The following EXOC2 variants were observed in gnomAD, a reference collection of about 807,000 sequenced individuals.
EXOC2 encodes exocyst complex component 2.
A neutral mutation model predicts 131.8 loss-of-function variants in EXOC2; 70 were observed. The ratio of observed to expected loss-of-function variants is 0.53; its 90% CI spans 0.44 to 0.65. The LOEUF (loss-of-function observed/expected upper bound fraction) is 0.65. EXOC2 is among the 30% of genes least tolerant of loss of function. The probability of loss-of-function intolerance (pLI) is 0.00; values close to 1 mark genes in which losing one functional copy is unlikely to be tolerated. For synonymous variants in EXOC2, 411 were observed against 398.4 expected, an observed-to-expected ratio of 1.03 and a Z score of -0.38; for missense variants, 923 against 1,108.6, an observed-to-expected ratio of 0.83 and a Z score of 2.38.
intron 12 of EXOC2, among the ~76,000 whole-genome samples, chr6:575,706 CACAA>C (rs1191345218): frequency 6.6e-6 from 1 of 152,212 alleles, no homozygotes; most frequent in African/African-American, 2.4e-5. Context: ...TTTATAGCAA[CACAA>C]ACAGACTAAC....
intron 10 of EXOC2, among the ~76,000 whole-genome samples, chr6:597,786 A>C (rs1217683968): frequency 1.3e-5 from 2 of 152,208 alleles, no homozygotes; most frequent in African/African-American, 4.8e-5. Context: ...TCCTTTCCCG[A>C]AAATGGCAGA....
At chr6:573,367 C>T (rs1407629438) in intron 12 of EXOC2, among the ~76,000 whole-genome samples, 2 of 152,180 alleles carry the variant, frequency 1.3e-5, no homozygotes, top group Non-Finnish European at 2.9e-5. Context: ...TTTCTTTTCA[C>T]TCCCAGGGCC....
chr6:557,126 T>C (rs1757455274), intron 17 of EXOC2, among the ~76,000 whole-genome samples: 1 of 152,204 alleles, frequency 6.6e-6, no homozygotes. Context: ...AGAATGAATC[T>C]TAGCTCCTAA....
intron 11 of EXOC2, among the ~76,000 whole-genome samples, chr6:587,606 A>C (rs1211847934): frequency 6.6e-6 from 1 of 152,224 alleles, no homozygotes; most frequent in African/African-American, 2.4e-5. Context: ...AAATGATCAC[A>C]TACAGAAAAA....
At chr6:572,985 T>C (rs1758371601) in intron 12 of EXOC2, among the ~76,000 whole-genome samples, 1 of 152,168 alleles carries the variant, frequency 6.6e-6, no homozygotes. Context: ...CTCTGGATAG[T>C]AAACGTCTCT....
At chr6:620,637 G>C (rs1254999395) in intron 4 of EXOC2, among the ~76,000 whole-genome samples, 1 of 152,134 alleles carries the variant, frequency 6.6e-6, no homozygotes, top group Non-Finnish European at 1.5e-5. Flanking sequence ...GGTATTCTCT[G>C]GGAGAGTCTT....
intron 11 of EXOC2, among the ~76,000 whole-genome samples, chr6:590,400 C>G (rs778415634): frequency 2.0e-5 from 3 of 152,172 alleles, no homozygotes; most frequent in Non-Finnish European, 4.4e-5. Context: ...GGCATCAGAG[C>G]TGGAAAGTAC....
intron 1 of EXOC2, among the ~76,000 whole-genome samples, chr6:642,218 CCTT>C (rs1205634626): frequency 2.6e-5 from 4 of 152,208 alleles, no homozygotes; most frequent in East Asian, 1.9e-4. Flanking sequence ...CCTGATCCCT[CCTT>C]CTATTAAACT....
intron 17 of EXOC2, among the ~76,000 whole-genome samples, chr6:557,287 G>C (rs1035594641): frequency 2.0e-5 from 3 of 152,138 alleles, no homozygotes; most frequent in African/African-American, 7.2e-5. Flanking sequence ...AAAAAGTATA[G>C]AAATAAAATA....
intron 23 of EXOC2, among the ~76,000 whole-genome samples, chr6:510,927 T>C (rs1764808836): frequency 6.6e-6 from 1 of 152,246 alleles, no homozygotes; most frequent in African/African-American, 2.4e-5. Flanking sequence ...TGTTTTGCAC[T>C]GTGAGGTGTT....
chr6:507,093 TAC>T lies in EXOC2; in HGVS notation c.2381-7395_2381-7394del, dbSNP rs752368639. On this transcript the variant is annotated intron_variant, in intron 23 of 27. Coordinates refer to ENST00000230449, the MANE Select transcript of EXOC2 (RefSeq NM_018303.6). Reference sequence around the variant, plus strand: ...ACACACACACACAGCAGTGACTACATACACACACACACACAGCAGTGACTACA... The same window carrying T: ...ACACACACACACAGCAGTGACTACATACACACACACACAGCAGTGACTACA... Among the ~76,000 whole-genome samples, 250 of 87,032 alleles carry T rather than the reference TAC, an allele frequency of 2.9e-3. 4 individuals are homozygous for T. The highest frequency in any genetic ancestry group is 5.8e-3 in the African/African-American group (133 of 23,006). The allele number at this position is 87,032 out of a possible 152,430, so 57.1% of individuals were successfully genotyped here.
intron 2 of EXOC2, among the ~76,000 whole-genome samples, chr6:634,701 T>G (rs750851270): frequency 1.3e-5 from 2 of 152,230 alleles, no homozygotes; most frequent in African/African-American, 2.4e-5. Context: ...TTTCTAATAA[T>G]GGCATTAAAA....
At chr6:603,757 T>G (rs1760240804) in intron 7 of EXOC2, among the ~76,000 whole-genome samples, 1 of 152,214 alleles carries the variant, frequency 6.6e-6, no homozygotes, top group Admixed American at 6.5e-5. Context: ...CACGTGGTAC[T>G]TGGGTTAAAT....
intron 20 of EXOC2, among the ~76,000 whole-genome samples, chr6:554,318 G>A (rs1370825728): frequency 6.6e-6 from 1 of 152,164 alleles, no homozygotes; most frequent in East Asian, 1.9e-4. Context: ...GGAATTACAG[G>A]CATGAACCAC....
At chr6:588,168 G>T (rs1308993318) in intron 11 of EXOC2, among the ~76,000 whole-genome samples, 1 of 152,180 alleles carries the variant, frequency 6.6e-6, no homozygotes, top group Non-Finnish European at 1.5e-5. Context: ...CAATTTTCCA[G>T]TTAAAAGCCT....
chr6:502,224 A>T (rs768088044), intron 23 of EXOC2, among the ~76,000 whole-genome samples: 17 of 152,206 alleles, frequency 1.1e-4, no homozygotes, highest in Non-Finnish European at 1.9e-4. Flanking sequence ...AGAATAAAAA[A>T]TTCACAGCCT....
At chr6:552,779 A>G (rs1757215376) in intron 21 of EXOC2, among the ~76,000 whole-genome samples, 1 of 152,154 alleles carries the variant, frequency 6.6e-6, no homozygotes, top group Admixed American at 6.5e-5. Flanking sequence ...CTAATATACC[A>G]AATCCCTTAT....
intron 1 of EXOC2, among the ~76,000 whole-genome samples, chr6:675,075 G>A (rs758458828): frequency 2.6e-5 from 4 of 152,160 alleles, no homozygotes; most frequent in Non-Finnish European, 4.4e-5. Flanking sequence ...GGCTCCCTCT[G>A]CCTCCTGACC....
At chr6:508,938 G>A (rs1764707864) in intron 23 of EXOC2, among the ~76,000 whole-genome samples, 1 of 152,180 alleles carries the variant, frequency 6.6e-6, no homozygotes, top group South Asian at 2.1e-4. Flanking sequence ...ACCAGCAGTT[G>A]GTGTTTTCAG....
Sources: allele counts gnomAD v4.1 joint callset (sites outside exome capture counted in the v4.1 genomes callset), GRCh38; gene constraint gnomAD v4.1.1; transcripts MANE v1.5; gene names NCBI Gene and HGNC (gene_info 2026-07-23, HGNC 2026-07-21).